ANO3: variants seen among roughly 807,000 people sequenced by gnomAD.
The protein encoded by ANO3 is anoctamin 3.
ANO3 carries 99 observed loss-of-function variants against 144.8 expected under a neutral mutation model. That is an observed-to-expected ratio of 0.68 (90% confidence interval 0.58 to 0.81). The LOEUF (loss-of-function observed/expected upper bound fraction) is 0.81, where lower values mean the gene tolerates loss of function less well. ANO3 is among the 30% of genes least tolerant of loss of function. ANO3 has a pLI of 0.00. For synonymous variants in ANO3, 414 were observed against 392.6 expected, an observed-to-expected ratio of 1.05 and a Z score of -0.64; for missense variants, 905 against 1,202.2, an observed-to-expected ratio of 0.75 and a Z score of 3.66.
intron 1 of ANO3, among the ~76,000 whole-genome samples, chr11:26,420,264 A>T (rs993950866): frequency 2.6e-5 from 4 of 152,076 alleles, no homozygotes; most frequent in Non-Finnish European, 5.9e-5. Context: ...ATGGAAAAAA[A>T]ATTAAATTTT....
intron 18 of ANO3, among the ~76,000 whole-genome samples, chr11:26,628,479 A>G (rs1852664814): frequency 6.6e-6 from 1 of 152,234 alleles, no homozygotes; most frequent in Non-Finnish European, 1.5e-5. Flanking sequence ...AACAGCACCT[A>G]TATCCTTAGT....
chr11:26,379,006 C>A, intron 1 of ANO3, among the ~76,000 whole-genome samples: 1 of 141,154 alleles, frequency 7.1e-6, no homozygotes, highest in African/African-American at 2.6e-5. Flanking sequence ...TGATAGGCAA[C>A]ACAGAGAAGG....
intron 1 of ANO3, among the ~76,000 whole-genome samples, chr11:26,200,411 C>A (rs1851670281): frequency 6.6e-6 from 1 of 152,096 alleles, no homozygotes; most frequent in Non-Finnish European, 1.5e-5. Context: ...TAGTTGGTCA[C>A]TCTATTATAA....
chr11:26,465,534 C>A (rs1308409470), intron 4 of ANO3, among the ~76,000 whole-genome samples: 8 of 151,772 alleles, frequency 5.3e-5, no homozygotes, highest in South Asian at 2.1e-4. Flanking sequence ...AAAGTAACTC[C>A]TAATACAAAC....
At chr11:26,190,409 GA>G (rs920051802) in intron 1 of ANO3, among the ~76,000 whole-genome samples, 1 of 151,660 alleles carries the variant, frequency 6.6e-6, no homozygotes, top group Non-Finnish European at 1.5e-5. Flanking sequence ...TCAACTATAA[GA>G]AAAAAATCTC....
intron 1 of ANO3, among the ~76,000 whole-genome samples, chr11:26,365,831 C>A (rs949881569): frequency 3.6e-4 from 54 of 151,950 alleles, no homozygotes; most frequent in Non-Finnish European, 4.4e-5. Context: ...TCTGAAATAA[C>A]TTTGAGGCCT....
intron 4 of ANO3, among the ~76,000 whole-genome samples, chr11:26,482,995 C>A (rs901637010): frequency 6.6e-6 from 1 of 151,974 alleles, no homozygotes; most frequent in African/African-American, 2.4e-5. Context: ...ACTTGATTAC[C>A]TATCTTTGCT....
chr11:26,252,343 C>A (rs2133820511), intron 1 of ANO3, among the ~76,000 whole-genome samples: 1 of 152,108 alleles, frequency 6.6e-6, no homozygotes, highest in African/African-American at 2.4e-5. Context: ...AATCTTTTTT[C>A]TTTTTTCTTT....
chr11:26,235,100 A>G (rs921604042), intron 1 of ANO3, among the ~76,000 whole-genome samples: 2 of 151,942 alleles, frequency 1.3e-5, no homozygotes, highest in African/African-American at 2.4e-5. Context: ...GGATTTCTAG[A>G]TGCCACCCAT....
At chr11:26,262,921 G>C (rs1028604935) in intron 1 of ANO3, among the ~76,000 whole-genome samples, 12 of 152,080 alleles carry the variant, frequency 7.9e-5, no homozygotes, top group Non-Finnish European at 1.3e-4. Context: ...CCAGTCTAAG[G>C]TATTCTGTGG....
intron 4 of ANO3, among the ~76,000 whole-genome samples, chr11:26,484,027 T>A (rs916666325): frequency 5.9e-5 from 9 of 152,158 alleles, no homozygotes; most frequent in African/African-American, 2.2e-4. Context: ...TCTGGAAATT[T>A]GAACTTGAGA....
At chr11:26,409,247 C>T (rs1054822352) in intron 1 of ANO3, among the ~76,000 whole-genome samples, 1 of 151,812 alleles carries the variant, frequency 6.6e-6, no homozygotes, top group African/African-American at 2.4e-5. Flanking sequence ...CTTACACACT[C>T]CAGGGCTCCC....
intron 1 of ANO3, among the ~76,000 whole-genome samples, chr11:26,419,652 C>T (rs1271650767): frequency 6.6e-6 from 1 of 151,912 alleles, no homozygotes; most frequent in African/African-American, 2.4e-5. Context: ...GACTTATAAA[C>T]TGGAGAGGCC....
chr11:26,233,142 A>G (rs12790671), intron 1 of ANO3, among the ~76,000 whole-genome samples: 51,850 of 150,812 alleles, frequency 0.34, 9,960 homozygotes, highest in Non-Finnish European at 0.43. Context: ...GCGTGAACCC[A>G]GGAGGCAGAG....
intron 1 of ANO3, among the ~76,000 whole-genome samples, chr11:26,436,985 G>C (rs1858319031): frequency 6.6e-6 from 1 of 151,494 alleles, no homozygotes; most frequent in Admixed American, 6.6e-5. Flanking sequence ...CAGAGCCAGA[G>C]GGCATCAACA....
At position 26,572,031 on chromosome 11, in the gene ANO3, G is replaced by A. The variant is rs543172695; in HGVS notation, c.1447+12252G>A. On this transcript the variant is annotated intron_variant, in intron 14 of 26. Transcript: ENST00000256737. Reference sequence around the variant, plus strand: ...AAGCGAGAGACCTAAGTGACCCAACGCACACTTACCTTCAGGCTTAGGAGG... The same window carrying A: ...AAGCGAGAGACCTAAGTGACCCAACACACACTTACCTTCAGGCTTAGGAGG... The A allele has an allele frequency of 2.9e-4, 282 of 964,892 alleles. 1 individual carries two copies. Among genetic ancestry groups the A allele is most frequent in the Middle Eastern group, 1.6e-3 (3 of 1,872 alleles). The allele number at this position is 964,892 out of a possible 1,614,324, so 59.8% of individuals were successfully genotyped here. A position where few individuals can be genotyped will look rare whatever the true frequency, so the allele number is the denominator to read the frequency against.
intron 1 of ANO3, among the ~76,000 whole-genome samples, chr11:26,248,803 A>T (rs551034414): frequency 6.6e-6 from 1 of 152,166 alleles, no homozygotes; most frequent in African/African-American, 2.4e-5. Context: ...AGTACTGGAT[A>T]GGAACCATAC....
chr11:26,290,669 C>T (rs566552668), intron 1 of ANO3, among the ~76,000 whole-genome samples: 158 of 152,178 alleles, frequency 1.0e-3, no homozygotes, highest in Middle Eastern at 3.4e-3. Context: ...CATTATTTAC[C>T]CAGTAGTCAT....
In ANO3 at chr11:26,643,184, T is replaced by C. The variant is rs763534869; in HGVS notation, c.2278T>C (p.Leu760=). 6.2e-7 allele frequency: 1 copy of C among 1,613,822 alleles called. No homozygotes were observed. The highest frequency in any genetic ancestry group is 1.1e-5 in the South Asian group (1 of 90,946). ...TTCCTAATGCTCTTCTTTTGCAGTT[T>C]TGCAATTTGGTTTTACCACCATCTT... ...GLMDEYLEMV[L]QFGFTTIFVA... is the part of the protein sequence containing the mutation. The change falls in exon 23 of 27, where the codon TTG becomes CTG. Residue 760 remains leucine, a splice_region_variant and synonymous_variant. Transcript: ENST00000256737.
Sources: allele counts gnomAD v4.1 joint callset (sites outside exome capture counted in the v4.1 genomes callset), GRCh38; gene constraint gnomAD v4.1.1; transcripts MANE v1.5; gene names NCBI Gene and HGNC (gene_info 2026-07-23, HGNC 2026-07-21).